ARRDC5: variants seen among roughly 807,000 people sequenced by gnomAD.
The protein encoded by ARRDC5 is arrestin domain-containing protein 5.
ARRDC5 carries 12 observed loss-of-function variants against 13.3 expected under a neutral mutation model. The ratio of observed to expected loss-of-function variants is 0.90; its 90% CI spans 0.58 to 1.46. The LOEUF is 1.46. Ranked by LOEUF, ARRDC5 falls within the 40% of genes most tolerant of loss-of-function variation. The pLI is 0.00. For missense variants in ARRDC5, 406 were observed against 418.7 expected (o/e 0.97, Z 0.26); for synonymous variants, 181 against 173.4 (o/e 1.04, Z -0.34).
chr19:4,901,025 A>C (rs2031894783), intron 1 of ARRDC5, among the ~76,000 whole-genome samples: 1 of 151,872 alleles, frequency 6.6e-6, no homozygotes, highest in Non-Finnish European at 1.5e-5. Flanking sequence ...CTCAAAAAAA[A>C]AAAAAATTGC....
At chr19:4,909,946 G>C in the ARRDC5 span, among the ~76,000 whole-genome samples, 4 of 151,174 alleles carry the variant, frequency 2.6e-5, no homozygotes, top group Non-Finnish European at 5.9e-5. Flanking sequence ...GCCTGCGCGC[G>C]GGGCGCCCCG....
Position 4,891,124 on chromosome 19 carries a change from G to A in ARRDC5, c.909C>T (p.Thr303=). The change falls in exon 3 of 3, where the codon ACC becomes ACT. Residue 303 remains threonine (T), a synonymous_variant. Transcript: ENST00000650722. ...AGATGGCAGAGTCCACTGAGGCGCT[G>A]GTGATGATGATGGGAACTTTGGCCT... ...SLKAKVPIII[T]SASVDSAICQ... is the part of the protein sequence containing the mutation. 2.5e-6 allele frequency: 4 copies of A among 1,613,966 alleles called. No individual in the cohort carries two copies. Among genetic ancestry groups the A allele is most frequent in the Non-Finnish European group, 3.4e-6 (4 of 1,179,880 alleles).
upstream of ARRDC5, among the ~76,000 whole-genome samples, chr19:4,907,796 T>A (rs1260413221): frequency 7.1e-6 from 1 of 140,362 alleles, no homozygotes; most frequent in East Asian, 2.3e-4. Flanking sequence ...CACCACAACC[T>A]CTGCCTCCTG....
upstream of ARRDC5, among the ~76,000 whole-genome samples, chr19:4,905,497 G>A (rs150995803): frequency 4.8e-3 from 723 of 151,240 alleles, 2 homozygotes; most frequent in African/African-American, 0.017. Context: ...GTTAGTGTTA[G>A]TGTATTTTAT....
chr19:4,900,983 C>T (rs1052200653), intron 1 of ARRDC5, among the ~76,000 whole-genome samples: 7 of 151,240 alleles, frequency 4.6e-5, no homozygotes. Context: ...TACGCCACTG[C>T]ACTCCAGCCT....
the ARRDC5 span, among the ~76,000 whole-genome samples, chr19:4,914,647 C>A: frequency 6.6e-6 from 1 of 151,272 alleles, no homozygotes; most frequent in African/African-American, 2.5e-5. Context: ...GCGGCCCCCA[C>A]CCCTCAATCT....
At chr19:4,912,932 G>A in the ARRDC5 span, among the ~76,000 whole-genome samples, 3 of 151,874 alleles carry the variant, frequency 2.0e-5, no homozygotes, top group Admixed American at 2.0e-4. Flanking sequence ...GCTAGTTTTT[G>A]TATCTTTTGT....
upstream of ARRDC5, among the ~76,000 whole-genome samples, chr19:4,903,966 C>T (rs566851368): frequency 2.0e-5 from 3 of 152,170 alleles, no homozygotes; most frequent in East Asian, 3.9e-4. Context: ...CAGCAACTCC[C>T]TGCATGATTG....
At chr19:4,899,395 T>C (rs545272775) in intron 1 of ARRDC5, among the ~76,000 whole-genome samples, 224 of 149,000 alleles carry the variant, frequency 1.5e-3, no homozygotes, top group African/African-American at 5.0e-3. Context: ...TTTGGGAGGC[T>C]GAGGTGGGGC....
intron 2 of ARRDC5, among the ~76,000 whole-genome samples, chr19:4,893,012 AG>A (rs1461872288): frequency 6.7e-6 from 1 of 149,938 alleles, no homozygotes; most frequent in Non-Finnish European, 1.5e-5. Flanking sequence ...CTGAGGCGGG[AG>A]AATTGCTGGA....
chr19:4,903,009 A>T, upstream of ARRDC5: 1 of 570,084 alleles, frequency 1.8e-6, no homozygotes, highest in Non-Finnish European at 2.9e-6. Flanking sequence ...TGATTGGGAA[A>T]CCTGTAGTCC....
chr19:4,911,872 C>T, the ARRDC5 span, among the ~76,000 whole-genome samples: 1 of 152,080 alleles, frequency 6.6e-6, no homozygotes, highest in Non-Finnish European at 1.5e-5. Flanking sequence ...TGGGGACGGG[C>T]GTAGACTACT....
upstream of ARRDC5, among the ~76,000 whole-genome samples, chr19:4,905,071 A>G (rs1284654094): frequency 1.3e-5 from 2 of 150,778 alleles, no homozygotes; most frequent in Non-Finnish European, 2.9e-5. Context: ...CATTTGGCCC[A>G]GGATGGAATA....
chr19:4,895,113 T>A (rs2031664708), intron 2 of ARRDC5, among the ~76,000 whole-genome samples: 2 of 120,448 alleles, frequency 1.7e-5, no homozygotes, highest in South Asian at 5.8e-4. Flanking sequence ...AAATGAGCTA[T>A]TACATTTTTT....
chr19:4,902,727 G>C lies in ARRDC5; in HGVS notation c.99C>G (p.Ser33Arg), dbSNP rs1394328037. 1 of 1,614,046 alleles carries C rather than the reference G, an allele frequency of 6.2e-7. No individual in the cohort carries two copies. Among genetic ancestry groups the C allele is most frequent in the Non-Finnish European group, 8.5e-7 (1 of 1,179,900 alleles). ...IKGQVILTLN[S>R]TLVDPIVKVE... is the part of the protein sequence containing the mutation. ...CCTTCACTATGGGGTCCACCAGGGT[G>C]CTGTTCAGGGTTAAGATCACCTGCC... Residue 33 changes from serine (S) to arginine (R), a missense_variant, in exon 1 of 3, where the codon AGC (serine) becomes AGG (arginine). Physicochemically the swap from Ser to Arg is moderately radical, Grantham distance 110. Coordinates refer to ENST00000650722, the MANE Select transcript of ARRDC5 (RefSeq NM_001080523.3).
chr19:4,899,890 G>A lies in ARRDC5; in HGVS notation c.253+2683C>T, dbSNP rs568138611. ...GGAGGCGGAGCTTGCAGTGAGCCAA[G>A]ATTGCACCACTGCACTCCACGCTGG... On this transcript the variant is annotated intron_variant, in intron 1 of 2. Transcript: ENST00000650722. Among the ~76,000 whole-genome samples the A allele has an allele frequency of 1.4e-4, 21 of 148,614 alleles. No individual in the cohort carries two copies. The East Asian group carries it at 4.0e-3, about 29-fold the overall frequency.
At chr19:4,908,841 C>T in the ARRDC5 span, among the ~76,000 whole-genome samples, 1 of 152,194 alleles carries the variant, frequency 6.6e-6, no homozygotes, top group Admixed American at 6.5e-5. Flanking sequence ...AGCAACCTGT[C>T]CGGCTGCTTT....
chr19:4,896,298 A>C (rs2031708171), intron 2 of ARRDC5, among the ~76,000 whole-genome samples: 1 of 135,464 alleles, frequency 7.4e-6, no homozygotes. Flanking sequence ...CTGGTGACAG[A>C]GCGAGACTGC....
Position 4,896,855 on chromosome 19 carries a change from C to G in ARRDC5, c.275G>C (p.Ser92Thr), listed in dbSNP as rs1266487681. Reference sequence around the variant, plus strand: ...GTTGAAATGGAAGTCAAAGGTGTGGCTGCCTGCACTTAACCAATTATCTGA... The same window carrying G: ...GTTGAAATGGAAGTCAAAGGTGTGGGTGCCTGCACTTAACCAATTATCTGA... ...PVEDNWLSAG[S>T]HTFDFHFNLP... is the part of the protein sequence containing the mutation. Residue 92 changes from serine (S) to threonine (T), a missense_variant, in exon 2 of 3, where the codon AGC (serine) becomes ACC (threonine). Coordinates refer to ENST00000650722, the MANE Select transcript of ARRDC5 (RefSeq NM_001080523.3). 1 of 1,613,472 alleles carries G rather than the reference C, an allele frequency of 6.2e-7. No homozygotes were observed. The highest frequency in any genetic ancestry group is 8.5e-7 in the Non-Finnish European group (1 of 1,179,692).
Sources: gnomAD v4.1 joint callset for allele counts (sites outside exome capture counted in the v4.1 genomes callset) on GRCh38, gnomAD v4.1.1 for gene constraint, MANE v1.5 for transcripts, NCBI Gene and HGNC (gene_info 2026-07-23, HGNC 2026-07-21) for gene names.